Variants in YIPF4 observed in about 807,000 individuals in gnomAD.
The protein encoded by YIPF4 is protein YIPF4.
Under a neutral mutation model 29.4 loss-of-function variants are expected in YIPF4, and 18 were observed. That is an observed-to-expected ratio of 0.61 (90% CI 0.42 to 0.91). The LOEUF is 0.91. Ranked by LOEUF, YIPF4 falls within the 40% of genes least tolerant of loss-of-function variation. The pLI is 0.00. For synonymous variants in YIPF4, 115 were observed against 104.7 expected (o/e 1.10, Z -0.60); for missense variants, 279 against 282.7 (o/e 0.99, Z 0.09).
rs368264046 is a variant in YIPF4, at chr2:32,296,655, G to A, written c.406-1579G>A. 4.6e-4 allele frequency among the ~76,000 whole-genome samples: 70 copies of A among 152,244 alleles called. 1 individual carries two copies. Among genetic ancestry groups the A allele is most frequent in the South Asian group, 2.1e-4 (1 of 4,814 alleles). ...AACAGGGAGTATGTGATACTGATAC[G>A]TCTTATAACTGGTGATGTTAACCTT... On this transcript the variant is annotated intron_variant, in intron 3 of 5. Coordinates refer to ENST00000238831, the MANE Select transcript of YIPF4 (RefSeq NM_032312.4).
chr2:32,309,083 A>C lies in YIPF4; in HGVS notation c.*3457A>C, dbSNP rs2031658753. The C allele has an allele frequency of 6.6e-6, 1 of 152,148 alleles. No individual in the cohort carries two copies. The highest frequency in any genetic ancestry group is 1.5e-5 in the Non-Finnish European group (1 of 68,030). 9.4% of individuals were successfully genotyped at this position (152,148 alleles called of 1,614,324 possible). A position where few individuals can be genotyped will look rare whatever the true frequency, so the allele number is the denominator to read the frequency against. ...CTATATAATTAAGCATTGTTTTTTA[A>C]AAAGTAGTTTAGGAAGATTTGTAAA... On this transcript the variant is annotated 3_prime_UTR_variant, in exon 6 of 6. Transcript: ENST00000238831.
intron 1 of YIPF4, among the ~76,000 whole-genome samples, chr2:32,286,813 T>C (rs370152456): frequency 2.5e-4 from 38 of 152,304 alleles, no homozygotes; most frequent in African/African-American, 8.9e-4. Context: ...ATTACAGACC[T>C]GAGCCACCCC....
chr2:32,316,286 A>T lies in YIPF4; in HGVS notation c.*10660A>T, dbSNP rs2031831914. The stretch of plus-strand genomic sequence containing the variant: ...TATGTAATATTAATATTTATAAATC[A>T]ATAAAATGGGCTAGGGATATAAATC... On this transcript the variant is annotated 3_prime_UTR_variant, in exon 6 of 6. Transcript: ENST00000238831. 1 of 152,224 alleles carries T rather than the reference A, an allele frequency of 6.6e-6. No homozygotes were observed. Among genetic ancestry groups the T allele is most frequent in the South Asian group, 2.1e-4 (1 of 4,834 alleles). The allele number at this position is 152,224 out of a possible 1,614,324, so 9.4% of individuals were successfully genotyped here.
intron 4 of YIPF4, 27 bp downstream of exon 4, chr2:32,298,338 T>C (rs2031271890): frequency 6.5e-7 from 1 of 1,546,458 alleles, no homozygotes; most frequent in Non-Finnish European, 8.9e-7. Flanking sequence ...GAAAATAATC[T>C]TCCTTATTTA....
chr2:32,287,428 C>T (rs1382408542), intron 1 of YIPF4, among the ~76,000 whole-genome samples: 1 of 152,104 alleles, frequency 6.6e-6, no homozygotes, highest in African/African-American at 2.4e-5. Flanking sequence ...TTTGTCCTTG[C>T]TCTTGTTGCT....
At chr2:32,294,156 C>A (rs1313908437) in intron 3 of YIPF4, among the ~76,000 whole-genome samples, 1 of 148,876 alleles carries the variant, frequency 6.7e-6, no homozygotes, top group Non-Finnish European at 1.5e-5. Context: ...GGTCGGCTGG[C>A]CTGGCAGGGG....
intron 3 of YIPF4, among the ~76,000 whole-genome samples, chr2:32,296,490 A>G (rs536418391): frequency 1.4e-4 from 21 of 152,092 alleles, no homozygotes; most frequent in Non-Finnish European, 2.8e-4. Flanking sequence ...AAAAAGGAAA[A>G]AAAACCCCAG....
At chr2:32,298,626 TC>T (rs1310844238) in intron 4 of YIPF4, among the ~76,000 whole-genome samples, 3 of 152,186 alleles carry the variant, frequency 2.0e-5, no homozygotes, top group Non-Finnish European at 4.4e-5. Flanking sequence ...AGTGGGGCAA[TC>T]TCGGCTCATT....
chr2:32,286,420 C>T (rs995007645), intron 1 of YIPF4, among the ~76,000 whole-genome samples: 3 of 152,052 alleles, frequency 2.0e-5, no homozygotes, highest in Non-Finnish European at 4.4e-5. Flanking sequence ...AGATAAATTA[C>T]AGAATTTAAT....
chr2:32,285,896 A>T (rs944019589), intron 1 of YIPF4, among the ~76,000 whole-genome samples: 9 of 152,040 alleles, frequency 5.9e-5, no homozygotes, highest in African/African-American at 2.2e-4. Flanking sequence ...ATTCCTACTT[A>T]TGAAAAATAA....
chr2:32,293,881 C>T (rs1190740849), intron 3 of YIPF4, among the ~76,000 whole-genome samples: 13 of 144,642 alleles, frequency 9.0e-5, no homozygotes, highest in Non-Finnish European at 1.7e-4. Context: ...GGCGGCTGGC[C>T]GGGCGGGGGG....
intron 2 of YIPF4, among the ~76,000 whole-genome samples, chr2:32,291,638 G>A (rs562076712): frequency 1.7e-4 from 26 of 152,268 alleles, no homozygotes; most frequent in African/African-American, 6.0e-4. Context: ...AGAAAAGTGC[G>A]TAAGACGGCA....
At chr2:32,286,535 C>T (rs1401166415) in intron 1 of YIPF4, among the ~76,000 whole-genome samples, 1 of 151,944 alleles carries the variant, frequency 6.6e-6, no homozygotes, top group Non-Finnish European at 1.5e-5. Context: ...AAAATTTATA[C>T]AAGACTTTGA....
At chr2:32,279,488 C>G (rs1253860879) in intron 1 of YIPF4, among the ~76,000 whole-genome samples, 1 of 149,234 alleles carries the variant, frequency 6.7e-6, no homozygotes, top group African/African-American at 2.5e-5. Flanking sequence ...AGCTCTGCCT[C>G]CCGGGTTCAC....
chr2:32,279,394 CTTTT>C (rs35036420), intron 1 of YIPF4, among the ~76,000 whole-genome samples: 1 of 98,740 alleles, frequency 1.0e-5, no homozygotes, highest in African/African-American at 4.1e-5. Flanking sequence ...CTAGATTTTC[CTTTT>C]TTTTTTTTTT....
intron 4 of YIPF4, 100 bp downstream of exon 4, chr2:32,298,411 C>T (rs1408461902): frequency 3.6e-6 from 3 of 841,954 alleles, no homozygotes; most frequent in Non-Finnish European, 5.7e-6. Flanking sequence ...CTTTCTTGTC[C>T]CAGAATTGCT....
chr2:32,296,888 A>T (rs868225697), intron 3 of YIPF4, among the ~76,000 whole-genome samples: 2 of 152,220 alleles, frequency 1.3e-5, no homozygotes, highest in Non-Finnish European at 2.9e-5. Context: ...TTACAGAATG[A>T]TGATTTTTCT....
intron 3 of YIPF4, among the ~76,000 whole-genome samples, chr2:32,296,981 A>G (rs1227444753): frequency 6.6e-5 from 10 of 152,120 alleles, no homozygotes; most frequent in Non-Finnish European, 1.5e-4. Flanking sequence ...AGCTTTAACC[A>G]TTGGGAGCTC....
chr2:32,298,117 C>T, intron 3 of YIPF4, 117 bp from the exon 4 acceptor site: 2 of 737,344 alleles, frequency 2.7e-6, no homozygotes, highest in Middle Eastern at 2.4e-4. Context: ...CACATAATCT[C>T]TCTATGACCT....
Sources: allele counts gnomAD v4.1 joint callset (sites outside exome capture counted in the v4.1 genomes callset), GRCh38; gene constraint gnomAD v4.1.1; transcripts MANE v1.5; gene names NCBI Gene and HGNC (gene_info 2026-07-23, HGNC 2026-07-21).